The following AXIN1 variants were observed in gnomAD, a reference collection of about 807,000 sequenced individuals.
AXIN1 encodes axin-1.
AXIN1 carries 30 observed loss-of-function variants against 76.4 expected under a neutral mutation model. The ratio of observed to expected loss-of-function variants is 0.39; its 90% confidence interval spans 0.29 to 0.53. AXIN1 has a LOEUF of 0.53. Ranked by LOEUF, AXIN1 falls within the 20% of genes least tolerant of loss-of-function variation. AXIN1 has a pLI of 0.66. For missense variants in AXIN1, 1,140 were observed against 1,198.8 expected (o/e 0.95, Z 0.72); for synonymous variants, 545 against 501.4 (o/e 1.09, Z -1.16).
chr16:311,803 C>T (rs1165574267), intron 3 of AXIN1, among the ~76,000 whole-genome samples: 1 of 152,124 alleles, frequency 6.6e-6, no homozygotes, highest in African/African-American at 2.4e-5. Context: ...AGAAAAGCTG[C>T]CTTCGGAAGC....
Position 318,259 on chromosome 16 carries a change from C to T in AXIN1, c.879-3576G>A, listed in dbSNP as rs9746544. ...TGTGCCTTTCACATTTTTGGAAAAC[C>T]TGTTTGTCTTTAAAATGAGAAGCAG... On this transcript the variant is annotated intron_variant, in intron 2 of 10. Coordinates refer to ENST00000262320, the MANE Select transcript of AXIN1 (RefSeq NM_003502.4). Among the ~76,000 whole-genome samples the T allele has an allele frequency of 4.2e-3, 646 of 152,316 alleles. 5 individuals are homozygous for T. The highest frequency in any genetic ancestry group is 0.015 in the African/African-American group (606 of 41,560).
At position 288,061 on chromosome 16, in the gene AXIN1, G is replaced by C. The variant is rs2141458281; in HGVS notation, c.*61C>G. 6.2e-7 allele frequency: 1 copy of C among 1,610,786 alleles called. No individual in the cohort carries two copies. The highest frequency in any genetic ancestry group is 8.5e-7 in the Non-Finnish European group (1 of 1,179,696). ...CTCCTGAGTACGAGGTCATCTGCCT[G>C]GCCGTGACACCCGTGCCCGCCAAGG... is the stretch of plus-strand genomic sequence containing the variant. On this transcript the variant is annotated 3_prime_UTR_variant, in exon 11 of 11. Transcript: ENST00000262320.
intron 2 of AXIN1, among the ~76,000 whole-genome samples, chr16:320,558 C>T (rs187225399): frequency 1.3e-5 from 2 of 152,080 alleles, no homozygotes; most frequent in East Asian, 3.9e-4. Context: ...CATCCCTTAA[C>T]ACACACGTGC....
At chr16:301,348 G>A (rs2052867811) in intron 5 of AXIN1, among the ~76,000 whole-genome samples, 1 of 151,888 alleles carries the variant, frequency 6.6e-6, no homozygotes, top group African/African-American at 2.4e-5. Flanking sequence ...CCACTCCTGG[G>A]CCCTGGTGGT....
intron 7 of AXIN1, among the ~76,000 whole-genome samples, chr16:294,755 CAAAAAAAAAAAAAA>C (rs1015576394): frequency 4.0e-5 from 1 of 24,742 alleles, no homozygotes; most frequent in Non-Finnish European, 7.2e-5. Context: ...AACCCCATCT[CAAAAAAAAAAAAAA>C]AAAAAAAAAA....
intron 1 of AXIN1, among the ~76,000 whole-genome samples, chr16:351,783 A>G (rs758231913): frequency 9.9e-5 from 15 of 152,090 alleles, no homozygotes; most frequent in Non-Finnish European, 2.1e-4. Flanking sequence ...GGGCTGAGAA[A>G]AATCCCCAGA....
rs2141599950 is a variant in AXIN1 at position 316,230 on chromosome 16, G to C, written c.879-1547C>G. Among the ~76,000 whole-genome samples the C allele has an allele frequency of 1.3e-5, 2 of 151,604 alleles. 1 individual carries two copies. Among genetic ancestry groups the C allele is most frequent in the South Asian group, 4.2e-4 (2 of 4,804 alleles). ...CTGAAATGTGTGTATACAAAATCTA[G>C]GCCAGTCCAGCAGAGCCTAAAGGTA... On this transcript the variant is annotated intron_variant, in intron 2 of 10. Transcript: ENST00000262320.
chr16:348,118 G>T (rs572351731), intron 1 of AXIN1, among the ~76,000 whole-genome samples: 1 of 152,204 alleles, frequency 6.6e-6, no homozygotes, highest in South Asian at 2.1e-4. Context: ...GTGCAAAAGA[G>T]AGTAGATAAG....
intron 5 of AXIN1, among the ~76,000 whole-genome samples, chr16:301,145 C>T (rs1404524609): frequency 6.6e-6 from 1 of 152,098 alleles, no homozygotes; most frequent in African/African-American, 2.4e-5. Context: ...ATGGTGGGCG[C>T]CTGTAGTCCC....
intron 2 of AXIN1, among the ~76,000 whole-genome samples, chr16:329,666 A>C (rs1346816492): frequency 6.7e-6 from 1 of 149,992 alleles, no homozygotes; most frequent in Non-Finnish European, 1.5e-5. Flanking sequence ...CCCAGGCTAG[A>C]GTGCTGGAGT....
chr16:291,350 G>C (rs2052555940), intron 8 of AXIN1, 53 bp from the exon 9 acceptor site: 5 of 1,468,174 alleles, frequency 3.4e-6, no homozygotes, highest in Non-Finnish European at 4.6e-6. Context: ...CCAGCCCTGG[G>C]GAGGGAGCCT....
At chr16:352,326 G>A (rs1450188989) in intron 1 of AXIN1, 43 bp downstream of exon 1, 3 of 971,314 alleles carry the variant, frequency 3.1e-6, no homozygotes, top group Non-Finnish European at 3.7e-6. Flanking sequence ...CGCCCGCCCG[G>A]CCTACCGCGG....
chr16:308,468 C>T (rs1354772442), intron 4 of AXIN1, among the ~76,000 whole-genome samples: 1 of 152,248 alleles, frequency 6.6e-6, no homozygotes, highest in Non-Finnish European at 1.5e-5. Flanking sequence ...ATCGGGGCAC[C>T]CCTGTGGACA....
At chr16:298,302 G>A (rs2052775712) in intron 5 of AXIN1, 51 bp from the exon 6 acceptor site, 3 of 1,535,920 alleles carry the variant, frequency 2.0e-6, no homozygotes, top group South Asian at 2.4e-5. Flanking sequence ...CTGCACACTT[G>A]GGGAAAACAA....
intron 2 of AXIN1, among the ~76,000 whole-genome samples, chr16:332,395 G>A (rs975390249): frequency 2.6e-5 from 4 of 151,860 alleles, no homozygotes; most frequent in East Asian, 3.9e-4. Context: ...GGCTAACACA[G>A]TGAAACCCCA....
intron 2 of AXIN1, among the ~76,000 whole-genome samples, chr16:329,014 G>A (rs1368216550): frequency 6.6e-6 from 1 of 152,130 alleles, no homozygotes; most frequent in Non-Finnish European, 1.5e-5. Flanking sequence ...GGTAGCTCAC[G>A]CCTGTAATCC....
At chr16:288,927 A>C (rs1471049919) in intron 10 of AXIN1, among the ~76,000 whole-genome samples, 1 of 152,018 alleles carries the variant, frequency 6.6e-6, no homozygotes, top group Non-Finnish European at 1.5e-5. Flanking sequence ...CTGTTTTCCC[A>C]CCCCGAAGAT....
chr16:336,230 C>T (rs575423745), intron 2 of AXIN1, among the ~76,000 whole-genome samples: 3 of 152,158 alleles, frequency 2.0e-5, no homozygotes, highest in African/African-American at 7.2e-5. Flanking sequence ...AGCAAAACTC[C>T]GTCTCAAAAA....
Position 287,831 on chromosome 16 carries a change from G to A in AXIN1, c.*291C>T, listed in dbSNP as rs2052424497. ...CCCAAGGGAGGTGCCGGGGGATGGG[G>A]GGGGGTCACCTGAAGCTGGCAGCAG... On this transcript the variant is annotated 3_prime_UTR_variant, in exon 11 of 11. Coordinates refer to ENST00000262320, the MANE Select transcript of AXIN1 (RefSeq NM_003502.4). The A allele has an allele frequency of 1.3e-5, 7 of 525,244 alleles. No individual in the cohort carries two copies. The highest frequency in any genetic ancestry group is 1.0e-4 in the South Asian group (5 of 49,350). 32.5% of individuals were successfully genotyped at this position (525,244 alleles called of 1,614,324 possible). A position where few individuals can be genotyped will look rare whatever the true frequency, so the allele number is the denominator to read the frequency against.
Sources: gnomAD v4.1 joint callset for allele counts (sites outside exome capture counted in the v4.1 genomes callset) on GRCh38, gnomAD v4.1.1 for gene constraint, MANE v1.5 for transcripts, NCBI Gene and HGNC (gene_info 2026-07-23, HGNC 2026-07-21) for gene names.